Variants in SERPINA4 observed in about 807,000 individuals in gnomAD.
SERPINA4 encodes the protein kallistatin.
A neutral mutation model predicts 25.4 loss-of-function variants in SERPINA4; 24 were observed. That is an observed-to-expected ratio of 0.95 (90% CI 0.69 to 1.33). The LOEUF (loss-of-function observed/expected upper bound fraction) is 1.33. Ranked by LOEUF, SERPINA4 falls within the 40% of genes most tolerant of loss-of-function variation. SERPINA4 has a pLI of 0.00. For missense variants in SERPINA4, 553 were observed against 535.8 expected (o/e 1.03, Z -0.32); for synonymous variants, 242 against 223.6 (o/e 1.08, Z -0.73).
At chr14:94,565,679 C>G (rs1411121653) in intron 2 of SERPINA4, among the ~76,000 whole-genome samples, 2 of 118,926 alleles carry the variant, frequency 1.7e-5, no homozygotes, top group East Asian at 4.9e-4. Context: ...AACCCTGTCT[C>G]TACTAAAAAT....
Position 94,568,151 on chromosome 14 carries a change from T to C in SERPINA4, c.946T>C (p.Leu316=). 1 of 1,614,182 alleles carries C rather than the reference T, an allele frequency of 6.2e-7. No individual in the cohort carries two copies. Among genetic ancestry groups the C allele is most frequent in the Non-Finnish European group, 8.5e-7 (1 of 1,180,022 alleles). Reference sequence around the variant, plus strand: ...CAGGAATTTTTACAAGAAGCTAGAGTTGCATCTTCCCAAGTTCTCCATTTC... The same window carrying C: ...CAGGAATTTTTACAAGAAGCTAGAGCTGCATCTTCCCAAGTTCTCCATTTC... ...RKRNFYKKLE[L]HLPKFSISGS... Residue 316 remains leucine, a synonymous_variant, in exon 4 of 5, where the codon TTG becomes CTG. Coordinates refer to ENST00000557004, the MANE Select transcript of SERPINA4 (RefSeq NM_006215.4).
chr14:94,564,692 C>T (rs1595064149), intron 2 of SERPINA4, among the ~76,000 whole-genome samples: 1 of 152,328 alleles, frequency 6.6e-6, no homozygotes, highest in East Asian at 1.9e-4. Context: ...CAGGTTGATT[C>T]ATTACTGCAG....
In SERPINA4 at chr14:94,569,786, G is replaced by A; in HGVS notation, c.*191G>A. The A allele has an allele frequency of 1.6e-6, 1 of 620,352 alleles. No individual in the cohort carries two copies. Among genetic ancestry groups the A allele is most frequent in the Non-Finnish European group, 2.8e-6 (1 of 355,436 alleles). 38.4% of individuals were successfully genotyped at this position (620,352 alleles called of 1,614,324 possible). On this transcript the variant is annotated 3_prime_UTR_variant, in exon 5 of 5. Coordinates refer to ENST00000557004, the MANE Select transcript of SERPINA4 (RefSeq NM_006215.4). ...GCAGGGCCTGGACATTCCACACCCT[G>A]GTGCTGTGCAGCCTCTGGCAGAGCA...
intron 1 of SERPINA4, among the ~76,000 whole-genome samples, chr14:94,562,095 C>T (rs183309869): frequency 1.5e-4 from 23 of 152,196 alleles, no homozygotes; most frequent in African/African-American, 5.5e-4. Context: ...AATAGAAGAA[C>T]AACATTTTGT....
intron 1 of SERPINA4, chr14:94,561,705 G>C: frequency 7.8e-7 from 1 of 1,289,590 alleles, no homozygotes; most frequent in South Asian, 1.2e-5. Context: ...CATGGGCACT[G>C]GTGGGTGACT....
At chr14:94,568,086 G>A in intron 3 of SERPINA4, 43 bp from the exon 4 acceptor site, 1 of 1,607,756 alleles carries the variant, frequency 6.2e-7, no homozygotes, top group Non-Finnish European at 8.5e-7. Context: ...AGGGATCCTG[G>A]CTTGTTCATT....
In SERPINA4 at chr14:94,561,483, A is replaced by T. The variant is rs1328269449; in HGVS notation, c.-29A>T. 9 of 404,954 alleles carry T rather than the reference A, an allele frequency of 2.2e-5. No homozygotes were observed. Among genetic ancestry groups the T allele is most frequent in the Non-Finnish European group, 3.1e-5 (7 of 227,190 alleles). 25.1% of individuals were successfully genotyped at this position (404,954 alleles called of 1,614,324 possible). ...AGCCACCCAGGGGGTCCACTCCAGG[A>T]CAGACTGTGCCGTGAGTAACCCCCT... is the stretch of plus-strand genomic sequence containing the variant. On this transcript the variant is annotated 5_prime_UTR_variant, in exon 1 of 5. Transcript: ENST00000557004.
chr14:94,563,691 C>T lies in SERPINA4; in HGVS notation c.209C>T (p.Thr70Ile). Residue 70 changes from threonine to isoleucine, a missense_variant, in exon 2 of 5, where the codon ACC (threonine) becomes ATC (isoleucine). Coordinates refer to ENST00000557004, the MANE Select transcript of SERPINA4 (RefSeq NM_006215.4). ...FRFYYLIASE[T>I]PGKNIFFSPL... ...TTCTACTACCTGATCGCTTCGGAGA[C>T]CCCGGGGAAGAACATCTTTTTCTCC... 1.2e-6 allele frequency: 2 copies of T among 1,613,924 alleles called. No individual in the cohort carries two copies. The highest frequency in any genetic ancestry group is 1.1e-5 in the South Asian group (1 of 91,078).
At chr14:94,565,256 T>C (rs1353753189) in intron 2 of SERPINA4, among the ~76,000 whole-genome samples, 3 of 152,186 alleles carry the variant, frequency 2.0e-5, no homozygotes, top group Non-Finnish European at 4.4e-5. Context: ...GTTTCTGTGG[T>C]AGCCTGGGGC....
chr14:94,567,212 C>T lies in SERPINA4; in HGVS notation c.892C>T (p.Leu298=). 6.2e-7 allele frequency: 1 copy of T among 1,614,064 alleles called. No individual in the cohort carries two copies. Among genetic ancestry groups the T allele is most frequent in the South Asian group, 1.1e-5 (1 of 91,064 alleles). Residue 298 remains leucine (L), a synonymous_variant, in exon 3 of 5, where the codon CTA becomes TTA. Coordinates refer to ENST00000557004, the MANE Select transcript of SERPINA4 (RefSeq NM_006215.4). ...EIEEVLTPEM[L]MRWNNLLRKR... ...TGAAGAGGTTCTGACTCCAGAGATG[C>T]TAATGAGGTGGAACAACTTGTTGCG... is the stretch of plus-strand genomic sequence containing the variant.
Position 94,564,028 on chromosome 14 carries a change from C to T in SERPINA4, c.546C>T (p.Ile182=), listed in dbSNP as rs1902124107. The change falls in exon 2 of 5, where the codon ATC becomes ATT. Residue 182 remains isoleucine, a synonymous_variant. Transcript: ENST00000557004. ...FYDTVGTIQL[I]NDHVKKETRG... is the part of the protein sequence containing the mutation. ...ACACTGTGGGCACAATCCAGCTTATCAACGACCACGTCAAGAAGGAAACTC... is the reference window on the plus strand; with the variant it reads ...ACACTGTGGGCACAATCCAGCTTATTAACGACCACGTCAAGAAGGAAACTC... 6.2e-7 allele frequency: 1 copy of T among 1,613,188 alleles called. No homozygotes were observed. Among genetic ancestry groups the T allele is most frequent in the Non-Finnish European group, 8.5e-7 (1 of 1,180,032 alleles).
In SERPINA4 at chr14:94,569,721, G is replaced by C; in HGVS notation, c.*126G>C. The C allele has an allele frequency of 1.0e-6, 1 of 997,026 alleles. No individual in the cohort carries two copies. The highest frequency in any genetic ancestry group is 1.6e-5 in the African/African-American group (1 of 62,524). The allele number at this position is 997,026 out of a possible 1,614,324, so 61.8% of individuals were successfully genotyped here. ...GAAGGTCCAGGAGTCCAGGACAGCA[G>C]GTGCTGGCCGGTGGGGAGCGGGGAG... On this transcript the variant is annotated 3_prime_UTR_variant, in exon 5 of 5. Transcript: ENST00000557004.
At position 94,564,065 on chromosome 14, in the gene SERPINA4, G is replaced by T; in HGVS notation, c.583G>T (p.Val195Leu). Reference sequence around the variant, plus strand: ...CAAGAAGGAAACTCGAGGGAAGATTGTGGATTTGGTCAGTGAGCTCAAGAA... The same window carrying T: ...CAAGAAGGAAACTCGAGGGAAGATTTTGGATTTGGTCAGTGAGCTCAAGAA... The part of the protein sequence containing the change: ...HVKKETRGKI[V>L]DLVSELKKDV... The change falls in exon 2 of 5, where the codon GTG becomes TTG. Residue 195 changes from valine to leucine, a missense_variant. Val to Leu is a conservative substitution (Grantham distance 32). Transcript: ENST00000557004. 6.2e-7 allele frequency: 1 copy of T among 1,607,760 alleles called. No individual in the cohort carries two copies.
intron 4 of SERPINA4, 63 bp from the exon 5 acceptor site, chr14:94,569,332 G>A (rs935102490): frequency 4.7e-5 from 70 of 1,485,312 alleles, no homozygotes; most frequent in Middle Eastern, 1.7e-4. Context: ...TCTGGCTCTC[G>A]CAGTCTTGTC....
chr14:94,568,497 A>G (rs1267382493), intron 4 of SERPINA4, among the ~76,000 whole-genome samples: 1 of 152,198 alleles, frequency 6.6e-6, no homozygotes, highest in African/African-American at 2.4e-5. Context: ...CCCTGCCCTC[A>G]GAGAGCTCTC....
chr14:94,566,235 C>T (rs974477831), intron 2 of SERPINA4, among the ~76,000 whole-genome samples: 1 of 152,204 alleles, frequency 6.6e-6, no homozygotes, highest in African/African-American at 2.4e-5. Context: ...ACATCTGCAC[C>T]CAGCAGCTGA....
chr14:94,561,810 G>C (rs1449367427), intron 1 of SERPINA4: 1 of 1,289,750 alleles, frequency 7.8e-7, no homozygotes, highest in African/African-American at 1.5e-5. Context: ...GCCAATCCAG[G>C]TGATCTTGGG....
chr14:94,561,748 G>A (rs1254709352), intron 1 of SERPINA4: 1 of 1,289,824 alleles, frequency 7.8e-7, no homozygotes, highest in Non-Finnish European at 1.0e-6. Context: ...CTCCCCCAGG[G>A]ACACACAGCT....
intron 2 of SERPINA4, among the ~76,000 whole-genome samples, chr14:94,566,730 A>G (rs572015682): frequency 6.6e-6 from 1 of 152,328 alleles, no homozygotes; most frequent in East Asian, 1.9e-4. Context: ...TCCTACTCAC[A>G]TATTAGAAAA....
Sources: allele counts gnomAD v4.1 joint callset (sites outside exome capture counted in the v4.1 genomes callset), GRCh38; gene constraint gnomAD v4.1.1; transcripts MANE v1.5; gene names NCBI Gene and HGNC (gene_info 2026-07-23, HGNC 2026-07-21).